The following ZNF83 variants were observed in gnomAD, a reference collection of about 807,000 sequenced individuals.
The protein encoded by ZNF83 is zinc finger protein 83, also known as zinc finger protein 816B.
For missense variants in ZNF83, 552 were observed against 629.9 expected, an observed-to-expected ratio of 0.88 and a Z score of 1.32; for synonymous variants, 209 against 213.0, an observed-to-expected ratio of 0.98 and a Z score of 0.17.
chr19:52,645,626 G>T (rs1488085033), intron 3 of ZNF83, among the ~76,000 whole-genome samples: 1 of 152,106 alleles, frequency 6.6e-6, no homozygotes, highest in African/African-American at 2.4e-5. Flanking sequence ...GGCCAACATG[G>T]TGAAACTCCA....
At chr19:52,637,974 A>C (rs1291931484) in intron 1 of ZNF83, among the ~76,000 whole-genome samples, 8 of 152,164 alleles carry the variant, frequency 5.3e-5, no homozygotes, top group Admixed American at 2.0e-4. Context: ...TGGCCTACGA[A>C]GGCGAGGGTG....
intron 1 of ZNF83, among the ~76,000 whole-genome samples, chr19:52,675,434 C>T (rs1207969801): frequency 1.3e-5 from 2 of 152,192 alleles, no homozygotes; most frequent in African/African-American, 4.8e-5. Flanking sequence ...AGCTGGGACA[C>T]AAGCGCTGAG....
chr19:52,658,189 A>G (rs1278620400), intron 2 of ZNF83, among the ~76,000 whole-genome samples: 2 of 151,944 alleles, frequency 1.3e-5, no homozygotes, highest in African/African-American at 4.8e-5. Flanking sequence ...ACAAAGAATA[A>G]AGAAAAATGA....
chr19:52,689,950 G>A (rs1160865343), intron 1 of ZNF83, among the ~76,000 whole-genome samples: 1 of 152,142 alleles, frequency 6.6e-6, no homozygotes, highest in Non-Finnish European at 1.5e-5. Flanking sequence ...CTGGGGAGCA[G>A]CAGGGCCCGG....
At chr19:52,645,325 C>T (rs2061358234) in intron 3 of ZNF83, among the ~76,000 whole-genome samples, 2 of 151,994 alleles carry the variant, frequency 1.3e-5, no homozygotes. Context: ...ATGCACATCT[C>T]GATTTGAACC....
Position 52,658,983 on chromosome 19 carries a change from G to A in ZNF83, c.-201+1779C>T, listed in dbSNP as rs186506546. On this transcript the variant is annotated intron_variant, in intron 2 of 5. Transcript: ENST00000594682. ...CCTGGAGTGCGAGCTGCTCAGGGCC[G>A]GCTCTTGGTGTGCAGGCGATTGGGC... is the stretch of plus-strand genomic sequence containing the variant. Among the ~76,000 whole-genome samples the A allele has an allele frequency of 4.3e-3, 654 of 152,130 alleles. 1 individual carries two copies. Among genetic ancestry groups the A allele is most frequent in the Non-Finnish European group, 6.8e-3 (465 of 68,014 alleles).
rs559595282 is a variant in ZNF83, at chr19:52,629,468, G to A, written c.-234+5598C>T. Among the ~76,000 whole-genome samples the A allele has an allele frequency of 3.8e-4, 58 of 152,040 alleles. No individual in the cohort carries two copies. In the East Asian group the frequency reaches 0.011, roughly 28 times the overall value. On this transcript the variant is annotated intron_variant, in intron 2 of 2. Coordinates refer to ENST00000301096, the Ensembl canonical transcript of ZNF83. ...TCCCCAGGCTGCTCCTTGCCAGGCCGAGCTAGGTCCCAATTCTTCCTCAGC... is the reference window on the plus strand; with the variant it reads ...TCCCCAGGCTGCTCCTTGCCAGGCCAAGCTAGGTCCCAATTCTTCCTCAGC...
chr19:52,654,407 A>T (rs1249951320), intron 3 of ZNF83: 30 of 1,107,164 alleles, frequency 2.7e-5, no homozygotes, highest in Non-Finnish European at 3.7e-5. Flanking sequence ...GAGCTATCTA[A>T]AAAATATAAA....
chr19:52,631,216 T>G (rs12460434), intron 2 of ZNF83, among the ~76,000 whole-genome samples: 3,898 of 151,684 alleles, frequency 0.026, 184 homozygotes, highest in African/African-American at 0.089. Flanking sequence ...AGCATAATTC[T>G]CATAAAAACA....
intron 3 of ZNF83, among the ~76,000 whole-genome samples, chr19:52,653,494 C>G (rs1229478053): frequency 6.6e-6 from 1 of 152,192 alleles, no homozygotes; most frequent in Non-Finnish European, 1.5e-5. Context: ...TGGTTTCTCT[C>G]CAGTATGAAT....
chr19:52,683,772 A>G (rs1330401137), intron 1 of ZNF83, among the ~76,000 whole-genome samples: 1 of 152,142 alleles, frequency 6.6e-6, no homozygotes, highest in Non-Finnish European at 1.5e-5. Context: ...AATTTCCAGA[A>G]GAAATGTGGG....
intron 3 of ZNF83, among the ~76,000 whole-genome samples, chr19:52,648,558 C>CT (rs974764741): frequency 1.4e-4 from 22 of 152,090 alleles, no homozygotes; most frequent in South Asian, 2.1e-4. Context: ...TTAGCCAGTT[C>CT]TTTTTTTTGA....
intron 1 of ZNF83, among the ~76,000 whole-genome samples, chr19:52,681,957 C>T (rs985678574): frequency 6.6e-6 from 1 of 152,166 alleles, no homozygotes; most frequent in Non-Finnish European, 1.5e-5. Flanking sequence ...AAGCAATTCT[C>T]CTGCCTCAGC....
chr19:52,628,522 G>A (rs1027220823), intron 2 of ZNF83, among the ~76,000 whole-genome samples: 2 of 152,106 alleles, frequency 1.3e-5, no homozygotes, highest in Admixed American at 6.5e-5. Flanking sequence ...CGCCGGTCAC[G>A]GAGTAGGGAA....
At chr19:52,629,572 T>C (rs2060874455) in intron 2 of ZNF83, among the ~76,000 whole-genome samples, 2 of 152,302 alleles carry the variant, frequency 1.3e-5, no homozygotes, top group Non-Finnish European at 2.9e-5. Flanking sequence ...GTTCCGTGAC[T>C]AGCCCTCCCC....
intron 1 of ZNF83, among the ~76,000 whole-genome samples, chr19:52,661,824 G>A (rs1221796323): frequency 6.6e-6 from 1 of 152,156 alleles, no homozygotes; most frequent in African/African-American, 2.4e-5. Flanking sequence ...GGGGCCTGTG[G>A]GAGATCACAA....
chr19:52,690,280 T>A (rs1428015172), intron 1 of ZNF83, among the ~76,000 whole-genome samples: 1 of 152,022 alleles, frequency 6.6e-6, no homozygotes, highest in Non-Finnish European at 1.5e-5. Context: ...AGGGCGACTT[T>A]AGACCCAAAA....
intron 2 of ZNF83, among the ~76,000 whole-genome samples, chr19:52,622,256 A>G (rs532494550): frequency 5.5e-4 from 84 of 152,054 alleles, no homozygotes; most frequent in African/African-American, 2.0e-3. Context: ...TGCATGTACC[A>G]TTTTCTCTAT....
At chr19:52,648,712 T>C (rs903624209) in intron 3 of ZNF83, among the ~76,000 whole-genome samples, 2 of 152,176 alleles carry the variant, frequency 1.3e-5, no homozygotes, top group African/African-American at 2.4e-5. Flanking sequence ...CAGCTGAAAC[T>C]GGCAGCTCAA....
Sources: allele counts gnomAD v4.1 joint callset (sites outside exome capture counted in the v4.1 genomes callset), GRCh38; gene constraint gnomAD v4.1.1; transcripts MANE v1.5; gene names NCBI Gene and HGNC (gene_info 2026-07-23, HGNC 2026-07-21).